Variants in EPHA6 observed in about 807,000 individuals in gnomAD.
EPHA6 encodes EPH receptor A6.
Under a neutral mutation model 112.0 loss-of-function variants are expected in EPHA6, and 50 were observed. The ratio of observed to expected loss-of-function variants is 0.45; its 90% CI spans 0.36 to 0.56. EPHA6 has a LOEUF of 0.56. Ranked by LOEUF, EPHA6 falls within the 20% of genes least tolerant of loss-of-function variation. The probability of loss-of-function intolerance (pLI) is 0.00; values close to 1 mark genes in which losing one functional copy is unlikely to be tolerated. For missense variants in EPHA6, 1,280 were observed against 1,417.4 expected, an observed-to-expected ratio of 0.90 and a Z score of 1.56; for synonymous variants, 529 against 490.7, an observed-to-expected ratio of 1.08 and a Z score of -1.03.
intron 5 of EPHA6, among the ~76,000 whole-genome samples, chr3:97,252,331 TCTC>T (rs956668704): frequency 1.3e-5 from 2 of 151,990 alleles, no homozygotes; most frequent in Non-Finnish European, 2.9e-5. Context: ...GGTCTTCAAA[TCTC>T]CTCCCTGGTA....
intron 5 of EPHA6, among the ~76,000 whole-genome samples, chr3:97,315,174 T>C (rs1245317006): frequency 6.6e-6 from 1 of 151,660 alleles, no homozygotes; most frequent in Non-Finnish European, 1.5e-5. Flanking sequence ...ATCTTATAGA[T>C]GCAGATATTT....
rs145850018 is a variant in EPHA6 at position 96,852,663 on chromosome 3, C to A, written c.386-14162C>A. The stretch of plus-strand genomic sequence containing the variant: ...TGGCTTGCTCCCCTTCAACCTGTTG[C>A]CCTCCACTCCATATTTATTTGAGTG... On this transcript the variant is annotated intron_variant, in intron 1 of 17. Transcript: ENST00000389672. 2.0e-5 allele frequency among the ~76,000 whole-genome samples: 3 copies of A among 151,100 alleles called. No individual in the cohort carries two copies. The East Asian group carries it at 5.9e-4, about 30-fold the overall frequency.
intron 5 of EPHA6, among the ~76,000 whole-genome samples, chr3:97,265,415 C>T (rs988404086): frequency 2.0e-5 from 3 of 152,162 alleles, no homozygotes; most frequent in Non-Finnish European, 2.9e-5. Context: ...GCCCAAAATC[C>T]AGAGGGGTCC....
chr3:97,187,280 AG>A (rs1389677661), intron 3 of EPHA6, among the ~76,000 whole-genome samples: 2 of 152,076 alleles, frequency 1.3e-5, no homozygotes, highest in Non-Finnish European at 2.9e-5. Context: ...ACTTCTACTT[AG>A]GAATGCCATA....
intron 1 of EPHA6, among the ~76,000 whole-genome samples, chr3:96,829,930 C>T (rs1425937688): frequency 4.3e-5 from 6 of 141,020 alleles, no homozygotes; most frequent in Non-Finnish European, 9.1e-5. Flanking sequence ...TACACATGCA[C>T]GTGCATGTGC....
intron 5 of EPHA6, among the ~76,000 whole-genome samples, chr3:97,265,385 C>G (rs2079641202): frequency 1.3e-5 from 2 of 152,184 alleles, no homozygotes; most frequent in Non-Finnish European, 2.9e-5. Flanking sequence ...ACATCGGCTT[C>G]TCTCTCATCA....
At chr3:96,831,143 A>G (rs1299702483) in intron 1 of EPHA6, among the ~76,000 whole-genome samples, 1 of 151,988 alleles carries the variant, frequency 6.6e-6, no homozygotes, top group Non-Finnish European at 1.5e-5. Context: ...TAATATTGTC[A>G]TTTTTACTCT....
At chr3:97,327,351 T>C (rs1348799290) in intron 5 of EPHA6, among the ~76,000 whole-genome samples, 1 of 152,068 alleles carries the variant, frequency 6.6e-6, no homozygotes, top group African/African-American at 2.4e-5. Context: ...TTGTGTACTT[T>C]GTCCTCCAGT....
At chr3:97,486,363 C>A (rs529619856) in intron 10 of EPHA6, among the ~76,000 whole-genome samples, 3 of 152,178 alleles carry the variant, frequency 2.0e-5, no homozygotes, top group Non-Finnish European at 2.9e-5. Flanking sequence ...ACCTAACTTG[C>A]GCCCCTGGCC....
At chr3:97,488,703 T>C (rs2091759965) in intron 10 of EPHA6, among the ~76,000 whole-genome samples, 1 of 152,228 alleles carries the variant, frequency 6.6e-6, no homozygotes, top group Non-Finnish European at 1.5e-5. Flanking sequence ...GCTCATTTTC[T>C]CTATATTTAG....
intron 10 of EPHA6, among the ~76,000 whole-genome samples, chr3:97,493,965 T>C (rs929204755): frequency 6.6e-6 from 1 of 152,198 alleles, no homozygotes; most frequent in African/African-American, 2.4e-5. Flanking sequence ...AATATGCTGA[T>C]GTGATTGCTG....
intron 3 of EPHA6, among the ~76,000 whole-genome samples, chr3:97,126,181 A>G (rs954902985): frequency 6.6e-6 from 1 of 152,082 alleles, no homozygotes; most frequent in Admixed American, 6.6e-5. Context: ...TCTTTCCTTG[A>G]CCTAGGCTTG....
intron 14 of EPHA6, among the ~76,000 whole-genome samples, chr3:97,684,318 G>T (rs1004295196): frequency 6.6e-6 from 1 of 152,054 alleles, no homozygotes; most frequent in East Asian, 1.9e-4. Flanking sequence ...AGATTTAAAG[G>T]CCTTTGGAAA....
In EPHA6 at chr3:97,748,483, G is replaced by C; in HGVS notation, c.3279-104G>C. ...TATATTTAAATATTCACTTTATCTT[G>C]CATGCTTATTAGATCTGAATGTTCA... is the stretch of plus-strand genomic sequence containing the variant. On this transcript the variant is annotated intron_variant, in intron 17 of 17. Coordinates refer to ENST00000389672, the MANE Select transcript of EPHA6 (RefSeq NM_001080448.3). 7.4e-6 allele frequency: 5 copies of C among 672,952 alleles called. No homozygotes were observed. The Admixed American group carries it at 1.1e-4, about 15-fold the overall frequency. 41.7% of individuals were successfully genotyped at this position (672,952 alleles called of 1,614,324 possible). A position where few individuals can be genotyped will look rare whatever the true frequency, so the allele number is the denominator to read the frequency against.
intron 3 of EPHA6, among the ~76,000 whole-genome samples, chr3:97,052,834 C>T (rs1172794309): frequency 6.6e-6 from 1 of 152,056 alleles, no homozygotes; most frequent in South Asian, 2.1e-4. Flanking sequence ...AAGCCTTAAA[C>T]ATCCCAAGCC....
chr3:97,377,177 T>A lies in EPHA6; in HGVS notation c.1607-27973T>A, dbSNP rs566586518. Among the ~76,000 whole-genome samples the A allele has an allele frequency of 4.6e-5, 7 of 152,288 alleles. No homozygotes were observed. The South Asian group carries it at 1.4e-3, about 32-fold the overall frequency. ...TTGTCCTCCCACAATTCCCACGTGT[T>A]GTGGGAGGGACTCAATAGGAGATAA... On this transcript the variant is annotated intron_variant, in intron 5 of 17. Coordinates refer to ENST00000389672, the MANE Select transcript of EPHA6 (RefSeq NM_001080448.3).
chr3:97,076,577 A>T (rs533829136), intron 3 of EPHA6, among the ~76,000 whole-genome samples: 2 of 152,198 alleles, frequency 1.3e-5, no homozygotes, highest in Non-Finnish European at 2.9e-5. Context: ...AGATCTAGCT[A>T]ATATAATGGA....
At chr3:97,220,340 C>T (rs573553274) in intron 3 of EPHA6, among the ~76,000 whole-genome samples, 10 of 152,162 alleles carry the variant, frequency 6.6e-5, no homozygotes, top group Admixed American at 1.3e-4. Context: ...TTTCCAAAGA[C>T]GCTTCCACAC....
chr3:97,036,743 T>A (rs966463429), intron 3 of EPHA6, among the ~76,000 whole-genome samples: 2 of 152,038 alleles, frequency 1.3e-5, no homozygotes, highest in Admixed American at 6.6e-5. Flanking sequence ...AAAATATGGT[T>A]AATAATCTTC....
Sources: allele counts gnomAD v4.1 joint callset (sites outside exome capture counted in the v4.1 genomes callset), GRCh38; gene constraint gnomAD v4.1.1; transcripts MANE v1.5; gene names NCBI Gene and HGNC (gene_info 2026-07-23, HGNC 2026-07-21).